Variants in SIAH2 observed in about 807,000 individuals in gnomAD.
The protein encoded by SIAH2 is siah E3 ubiquitin protein ligase 2.
Under a neutral mutation model 20.4 loss-of-function variants are expected in SIAH2, and 4 were observed. That is an observed-to-expected ratio of 0.20 (90% CI 0.10 to 0.45). The LOEUF (loss-of-function observed/expected upper bound fraction) is 0.45, where lower values mean the gene tolerates loss of function less well. Among genes scored for constraint, SIAH2 ranks in the 20% least tolerant of loss-of-function variants. SIAH2 has a pLI of 0.99. For missense variants in SIAH2, 259 were observed against 440.3 expected (o/e 0.59, Z 3.69); for synonymous variants, 171 against 192.5 (o/e 0.89, Z 0.93).
In SIAH2 at chr3:150,757,196, AG is replaced by A. The variant is rs3832226; in HGVS notation, c.417+5236del. On this transcript the variant is annotated intron_variant, in intron 1 of 1. Coordinates refer to ENST00000312960, the MANE Select transcript of SIAH2 (RefSeq NM_005067.7). ...GACTGGACCAAAGTCACACAAAGCCAGGACGAGAACCCAGGTCTTCTGTTTC... is the reference window on the plus strand; with the variant it reads ...GACTGGACCAAAGTCACACAAAGCCAGACGAGAACCCAGGTCTTCTGTTTC... 7.3e-3 allele frequency among the ~76,000 whole-genome samples: 1,119 copies of A among 152,276 alleles called. 26 individuals carry two copies. In the South Asian group the frequency reaches 0.074, roughly 10 times the overall value.
At chr3:150,747,560 C>T (rs1380589144) in intron 1 of SIAH2, among the ~76,000 whole-genome samples, 1 of 152,194 alleles carries the variant, frequency 6.6e-6, no homozygotes, top group Non-Finnish European at 1.5e-5. Flanking sequence ...AGGGAAATAT[C>T]TGCTCATTTC....
In SIAH2 at chr3:150,742,207, T is replaced by C. The variant is rs1185675128; in HGVS notation, c.909A>G (p.Ile303Met). The part of the protein sequence containing the change: ...NSDCLVFDTA[I>M]AHLFADNGNL... ...TCCCATTATCTGCAAAAAGATGTGC[T>C]ATGGCTGTGTCGAAAACAAGGCAGT... The change falls in exon 2 of 2, where the codon ATA (isoleucine) becomes ATG (methionine). Residue 303 changes from isoleucine to methionine, a missense_variant. Transcript: ENST00000312960. The surrounding 1 kb of genome is among the most constrained non-coding windows in gnomAD (Gnocchi z 4.8). The C allele has an allele frequency of 6.2e-7, 1 of 1,614,204 alleles. No individual in the cohort carries two copies. Among genetic ancestry groups the C allele is most frequent in the South Asian group, 1.1e-5 (1 of 91,090 alleles).
Position 150,763,035 on chromosome 3 carries a change from G to T in SIAH2, c.-186C>A. 5.6e-6 allele frequency: 3 copies of T among 534,278 alleles called. No individual in the cohort carries two copies. The highest frequency in any genetic ancestry group is 5.0e-6 in the Non-Finnish European group (2 of 403,436). 33.1% of individuals were successfully genotyped at this position (534,278 alleles called of 1,614,324 possible). On this transcript the variant is annotated 5_prime_UTR_variant, in exon 1 of 2. It adds an upstream start codon to the 5' untranslated region. Coordinates refer to ENST00000312960, the MANE Select transcript of SIAH2 (RefSeq NM_005067.7). The surrounding 1 kb of genome is among the most constrained non-coding windows in gnomAD (Gnocchi z 4.1). ...CTGGACCGCGCTGATGCACTCCGCA[G>T]CCCCCGGCGTTCCGAGCACGCCTCC...
At chr3:150,749,690 G>T (rs1328276857) in intron 1 of SIAH2, among the ~76,000 whole-genome samples, 2 of 152,150 alleles carry the variant, frequency 1.3e-5, no homozygotes, top group Admixed American at 6.5e-5. Context: ...AACTGAAGTT[G>T]GTAGTTTTTC....
intron 1 of SIAH2, among the ~76,000 whole-genome samples, chr3:150,755,541 G>A (rs1272574939): frequency 6.6e-6 from 1 of 151,552 alleles, no homozygotes; most frequent in Non-Finnish European, 1.5e-5. Flanking sequence ...TTGAGACGGA[G>A]TTTCACTCTT....
At chr3:150,756,498 A>G (rs952146131) in intron 1 of SIAH2, among the ~76,000 whole-genome samples, 10 of 152,226 alleles carry the variant, frequency 6.6e-5, no homozygotes, top group African/African-American at 2.4e-4. Context: ...TGGGGCTTCA[A>G]AAAACAGCTC....
In SIAH2 at chr3:150,742,761, C is replaced by T. The variant is rs1222015293; in HGVS notation, c.418-63G>A. The T allele has an allele frequency of 1.8e-5, 24 of 1,366,594 alleles. No individual in the cohort carries two copies. The highest frequency in any genetic ancestry group is 2.2e-5 in the Non-Finnish European group (22 of 1,006,488). The allele number at this position is 1,366,594 out of a possible 1,614,324, so 84.7% of individuals were successfully genotyped here. A position where few individuals can be genotyped will look rare whatever the true frequency, so the allele number is the denominator to read the frequency against. ...TCAAAACTTCTATTGCTTCAACCCT[C>T]TATGAGTACTTAACTACTCCATTTT... On this transcript the variant is annotated intron_variant, in intron 1 of 1. Coordinates refer to ENST00000312960, the MANE Select transcript of SIAH2 (RefSeq NM_005067.7). The surrounding 1 kb of genome is among the most constrained non-coding windows in gnomAD (Gnocchi z 4.8).
intron 1 of SIAH2, among the ~76,000 whole-genome samples, chr3:150,758,709 T>A (rs1714537771): frequency 6.6e-6 from 1 of 150,644 alleles, no homozygotes; most frequent in Non-Finnish European, 1.5e-5. Context: ...TAGCTGGGAT[T>A]ACAGGTGCCT....
chr3:150,761,801 TCACCC>T (rs1474046484), intron 1 of SIAH2: 1 of 152,240 alleles, frequency 6.6e-6, no homozygotes, highest in African/African-American at 2.4e-5. Context: ...TTGACTGTTT[TCACCC>T]CACTTAGTAC....
chr3:150,762,679 G>T lies in SIAH2; in HGVS notation c.171C>A (p.Gly57=). The T allele has an allele frequency of 7.1e-7, 1 of 1,398,778 alleles. No homozygotes were observed. Among genetic ancestry groups the T allele is most frequent in the Non-Finnish European group, 9.3e-7 (1 of 1,075,188 alleles). 86.6% of individuals were successfully genotyped at this position (1,398,778 alleles called of 1,614,324 possible). Residue 57 remains glycine, a synonymous_variant, in exon 1 of 2, where the codon GGC becomes GGA. Coordinates refer to ENST00000312960, the MANE Select transcript of SIAH2 (RefSeq NM_005067.7). The surrounding 1 kb of genome is among the most constrained non-coding windows in gnomAD (Gnocchi z 6.6). ...GGCCGGCCCCGCCGCCGCCGCCGGG[G>T]CCCGAGATCACCGCCGCCGCGGCGG... ...AVPAAAAVIS[G]PGGGGGAGPV... is the part of the protein sequence containing the mutation.
rs939167597 is a variant in SIAH2, at chr3:150,741,820, G to A, written c.*321C>T. The A allele has an allele frequency of 4.6e-6, 1 of 217,422 alleles. No individual in the cohort carries two copies. The highest frequency in any genetic ancestry group is 9.0e-6 in the Non-Finnish European group (1 of 110,598). The allele number at this position is 217,422 out of a possible 1,614,324, so 13.5% of individuals were successfully genotyped here. ...ACCAATATGGGAAGGCAGGCAGGAA[G>A]GGGCCTCCCATTCCTAACACACTGA... On this transcript the variant is annotated 3_prime_UTR_variant, in exon 2 of 2. Coordinates refer to ENST00000312960, the MANE Select transcript of SIAH2 (RefSeq NM_005067.7).
intron 1 of SIAH2, among the ~76,000 whole-genome samples, chr3:150,756,544 C>A (rs554118210): frequency 6.6e-6 from 1 of 152,280 alleles, no homozygotes; most frequent in South Asian, 2.1e-4. Flanking sequence ...CAATCTTGGG[C>A]TGGTATTTTA....
intron 1 of SIAH2, among the ~76,000 whole-genome samples, chr3:150,757,403 T>G (rs570400189): frequency 2.2e-4 from 34 of 152,302 alleles, no homozygotes; most frequent in African/African-American, 6.7e-4. Context: ...GGGTTCCTGA[T>G]GGCCAGAAAA....
chr3:150,755,994 T>C (rs1475145855), intron 1 of SIAH2, among the ~76,000 whole-genome samples: 2 of 152,160 alleles, frequency 1.3e-5, no homozygotes, highest in African/African-American at 4.8e-5. Context: ...GGGCAAAAAC[T>C]GAGAACAGGA....
rs969476024 is a variant in SIAH2, at chr3:150,742,394, C to G, written c.722G>C (p.Gly241Ala). The G allele has an allele frequency of 1.2e-6, 2 of 1,614,014 alleles. No individual in the cohort carries two copies. Among genetic ancestry groups the G allele is most frequent in the Non-Finnish European group, 1.7e-6 (2 of 1,180,036 alleles). ...GACGATGGCAAAAAACTGCTGGTGG[C>G]CTTCGTACTTCTCTTGTTTCTCCAG... Reference protein sequence around the residue: ...LVLEKQEKYEGHQQFFAIVLL... With the variant: ...LVLEKQEKYEAHQQFFAIVLL... Residue 241 changes from glycine (G) to alanine (A), a missense_variant, in exon 2 of 2, where the codon GGC becomes GCC. Physicochemically the swap from Gly to Ala is moderately conservative, Grantham distance 60. This residue lies in a region of SIAH2 where 160 missense variants were observed against 327.6 expected (regional missense o/e 0.49). Coordinates refer to ENST00000312960, the MANE Select transcript of SIAH2 (RefSeq NM_005067.7). This position sits in a 1 kb window ranked among gnomAD's most constrained non-coding sequence, Gnocchi z 4.8.
At chr3:150,747,786 C>T (rs1714254357) in intron 1 of SIAH2, among the ~76,000 whole-genome samples, 1 of 151,170 alleles carries the variant, frequency 6.6e-6, no homozygotes, top group Non-Finnish European at 1.5e-5. Flanking sequence ...ACTAAAAATA[C>T]AAAAAACAAA....
rs1838337 is a variant in SIAH2, at chr3:150,762,029, G to T, written c.417+404C>A. 20,253 of 220,302 alleles carry T rather than the reference G, an allele frequency of 0.092. 2,110 individuals carry two copies. The highest frequency in any genetic ancestry group is 0.39 in the East Asian group (2,343 of 6,014). 13.6% of individuals were successfully genotyped at this position (220,302 alleles called of 1,614,324 possible). On this transcript the variant is annotated intron_variant, in intron 1 of 1. Transcript: ENST00000312960. This position sits in a 1 kb window ranked among gnomAD's most constrained non-coding sequence, Gnocchi z 6.6. ...AATTATCAATTCAGCCGAGCCCAGC[G>T]CTGGTAAAGGGGGCGTTTAGCTCGC... is the stretch of plus-strand genomic sequence containing the variant.
chr3:150,759,034 T>G (rs890331080), intron 1 of SIAH2, among the ~76,000 whole-genome samples: 1 of 151,556 alleles, frequency 6.6e-6, no homozygotes, highest in Non-Finnish European at 1.5e-5. Context: ...CGTGAGCCAC[T>G]GCGCCTGGCC....
chr3:150,762,241 T>C lies in SIAH2; in HGVS notation c.417+192A>G. 8.7e-7 allele frequency: 1 copy of C among 1,147,228 alleles called. No homozygotes were observed. The highest frequency in any genetic ancestry group is 1.2e-6 in the Non-Finnish European group (1 of 840,784). 71.1% of individuals were successfully genotyped at this position (1,147,228 alleles called of 1,614,324 possible). A position where few individuals can be genotyped will look rare whatever the true frequency, so the allele number is the denominator to read the frequency against. On this transcript the variant is annotated intron_variant, in intron 1 of 1. Transcript: ENST00000312960. The surrounding 1 kb of genome is among the most constrained non-coding windows in gnomAD (Gnocchi z 6.6). ...TCTGTTAATTGTCTATTAACAATTA[T>C]TACTCGGTAAATGTCAACCCAGACC...
Sources: gnomAD v4.1 joint callset for allele counts (sites outside exome capture counted in the v4.1 genomes callset) on GRCh38, gnomAD v4.1.1 for gene constraint, gnomAD v4.1.1 regional missense constraint, Gnocchi (gnomAD v3.1) non-coding constraint, MANE v1.5 for transcripts, NCBI Gene and HGNC (gene_info 2026-07-23, HGNC 2026-07-21) for gene names.